The following ULK1 variants were observed in gnomAD, a reference collection of about 807,000 sequenced individuals.
The protein encoded by ULK1 is unc-51 like autophagy activating kinase 1, also known as serine/threonine-protein kinase ULK1.
ULK1 carries 48 observed loss-of-function variants against 117.5 expected under a neutral mutation model. That is an observed-to-expected ratio of 0.41 (90% CI 0.32 to 0.52). The LOEUF is 0.52. Among genes scored for constraint, ULK1 ranks in the 20% least tolerant of loss-of-function variants. ULK1 has a pLI of 0.29. For synonymous variants in ULK1, 790 were observed against 637.8 expected (o/e 1.24, Z -3.60); for missense variants, 1,387 against 1,473.4 (o/e 0.94, Z 0.96).
chr12:131,918,277 G>T, intron 22 of ULK1: 1 of 608,694 alleles, frequency 1.6e-6, no homozygotes, highest in Non-Finnish European at 2.8e-6. Flanking sequence ...CTTGGCCTGA[G>T]GTGGGGAGCT....
At position 131,908,637 on chromosome 12, in the gene ULK1, C is replaced by G. The variant is rs1415410960; in HGVS notation, c.317-7C>G. The G allele has an allele frequency of 6.7e-6, 10 of 1,498,050 alleles. No individual in the cohort carries two copies. Among genetic ancestry groups the G allele is most frequent in the Admixed American group, 2.3e-5 (1 of 43,592 alleles). The allele number at this position is 1,498,050 out of a possible 1,614,324, so 92.8% of individuals were successfully genotyped here. On this transcript the variant is annotated splice_polypyrimidine_tract_variant and splice_region_variant and intron_variant, in intron 5 of 27. Coordinates refer to ENST00000321867, the MANE Select transcript of ULK1 (RefSeq NM_003565.4). ...GCCCCCAGGCCCTGAGCCGCCTCTC[C>G]CCGCAGCCATGCGCACGCTGAGCGA... is the stretch of plus-strand genomic sequence containing the variant.
chr12:131,919,182 A>G, intron 23 of ULK1, 30 bp from the exon 24 acceptor site: 1 of 1,573,358 alleles, frequency 6.4e-7, no homozygotes, highest in Non-Finnish European at 8.6e-7. Context: ...CCCGGGCAGC[A>G]CTTGCCGCCC....
intron 16 of ULK1, 143 bp from the exon 17 acceptor site, chr12:131,914,940 A>G: frequency 1.6e-6 from 2 of 1,256,548 alleles, no homozygotes; most frequent in Non-Finnish European, 2.2e-6. Context: ...ATCTGTCAGC[A>G]CTGTAGCCAC....
rs763367783 is a variant in ULK1 at position 131,916,431 on chromosome 12, A to T, written c.1912A>T (p.Ser638Cys). Residue 638 changes from serine (S) to cysteine (C), a missense_variant, in exon 20 of 28, where the codon AGC becomes TGC. This residue lies in a region of ULK1 where 900 missense variants were observed against 858.9 expected (regional missense o/e 1.05). Transcript: ENST00000321867. ...CTCCTTTGACTTCCCGAAGACCCCC[A>T]GCTCCCAGAACCTGCTGGCCCTCCT... ...VPSFDFPKTP[S>C]SQNLLALLAR... 1.2e-6 allele frequency: 2 copies of T among 1,601,654 alleles called. No individual in the cohort carries two copies. Among genetic ancestry groups the T allele is most frequent in the East Asian group, 4.5e-5 (2 of 44,624 alleles).
intron 4 of ULK1, 99 bp from the exon 5 acceptor site, chr12:131,907,396 G>T: frequency 6.7e-7 from 1 of 1,490,854 alleles, no homozygotes; most frequent in East Asian, 2.4e-5. Flanking sequence ...TGCGGGCTCA[G>T]GGAGTAGTGT....
chr12:131,903,009 G>A lies in ULK1; in HGVS notation c.247-3883G>A, dbSNP rs943481411. Among the ~76,000 whole-genome samples, 3 of 152,150 alleles carry A rather than the reference G, an allele frequency of 2.0e-5. No individual in the cohort carries two copies. Among genetic ancestry groups the A allele is most frequent in the Non-Finnish European group, 4.4e-5 (3 of 68,020 alleles). On this transcript the variant is annotated intron_variant, in intron 3 of 27. Transcript: ENST00000321867. This position sits in a 1 kb window ranked among gnomAD's most constrained non-coding sequence, Gnocchi z 6.0. ...GTTCTGCAAGGCAGAGCTGGAGCCC[G>A]ATGCCCTGTGTGGGTTCTGGGTGGG... is the stretch of plus-strand genomic sequence containing the variant.
intron 16 of ULK1, 87 bp from the exon 17 acceptor site, chr12:131,914,995 AT>A (rs1889707318): frequency 6.7e-7 from 1 of 1,489,104 alleles, no homozygotes; most frequent in Non-Finnish European, 8.9e-7. Context: ...TCCCCTCCTA[AT>A]ACCTGCCTTG....
rs1194444652 is a variant in ULK1, at chr12:131,913,132, C to T, written c.1097-66C>T. 1.6e-5 allele frequency: 24 copies of T among 1,457,928 alleles called. No individual in the cohort carries two copies. In the South Asian group the frequency reaches 2.0e-4, roughly 12 times the overall value. 90.3% of individuals were successfully genotyped at this position (1,457,928 alleles called of 1,614,324 possible). A position where few individuals can be genotyped will look rare whatever the true frequency, so the allele number is the denominator to read the frequency against. ...TGCGTGGGGATCCAGCAGAGAGCCT[C>T]GGTGGGGTGGGGTGGCCCTGGGCAG... On this transcript the variant is annotated intron_variant, in intron 13 of 27. Coordinates refer to ENST00000321867, the MANE Select transcript of ULK1 (RefSeq NM_003565.4).
chr12:131,901,919 T>A (rs565272081), intron 3 of ULK1, among the ~76,000 whole-genome samples: 12 of 152,246 alleles, frequency 7.9e-5, no homozygotes, highest in Admixed American at 2.6e-4. Context: ...GGTTGTTTCC[T>A]GCTTTTTCCA....
chr12:131,920,472 G>A (rs1890105265), intron 26 of ULK1: 1 of 330,408 alleles, frequency 3.0e-6, no homozygotes, highest in Non-Finnish European at 5.7e-6. Context: ...AACCTGCCTG[G>A]AAGTGTGGTG....
rs1189201704 is a variant in ULK1, at chr12:131,922,958, C to T, written c.*1597C>T. On this transcript the variant is annotated 3_prime_UTR_variant, in exon 28 of 28. Coordinates refer to ENST00000321867, the MANE Select transcript of ULK1 (RefSeq NM_003565.4). ...GGGGATCTTGCCCGGTGTCCTGGTC[C>T]TCTTGCTTCCGTCGCGGCCGCATGT... 6.6e-6 allele frequency: 1 copy of T among 152,360 alleles called. No individual in the cohort carries two copies. Among genetic ancestry groups the T allele is most frequent in the Non-Finnish European group, 1.5e-5 (1 of 68,074 alleles). 9.4% of individuals were successfully genotyped at this position (152,360 alleles called of 1,614,324 possible). A position where few individuals can be genotyped will look rare whatever the true frequency, so the allele number is the denominator to read the frequency against.
rs748595183 is a variant in ULK1, at chr12:131,911,980, C to T, written c.987C>T (p.Ala329=). The T allele has an allele frequency of 6.2e-6, 10 of 1,612,900 alleles. No individual in the cohort carries two copies. The highest frequency in any genetic ancestry group is 3.3e-5 in the Admixed American group (2 of 60,022). Residue 329 remains alanine (A), a synonymous_variant, in exon 13 of 28, where the codon GCC becomes GCT. Transcript: ENST00000321867. ...TGCAGCAGCTGCAGAAGACCCTGGC[C>T]TCCCCGGCTGACACCGCTGGCTTCC... The part of the protein sequence containing the change: ...GEMQQLQKTL[A]SPADTAGFLH...
In ULK1 at chr12:131,921,394, C is replaced by T. The variant is rs768128866; in HGVS notation, c.*33C>T. 7.5e-6 allele frequency: 12 copies of T among 1,600,250 alleles called. No homozygotes were observed. The highest frequency in any genetic ancestry group is 1.1e-5 in the South Asian group (1 of 91,070). On this transcript the variant is annotated 3_prime_UTR_variant, in exon 28 of 28. Coordinates refer to ENST00000321867, the MANE Select transcript of ULK1 (RefSeq NM_003565.4). ...GGCCTGGCTGGGCCCCCCGTCCTGCCGAGCCCTGCAGAGTGGGCTCTGTGT... is the reference window on the plus strand; with the variant it reads ...GGCCTGGCTGGGCCCCCCGTCCTGCTGAGCCCTGCAGAGTGGGCTCTGTGT...
At chr12:131,898,830 C>G (rs6598172) in intron 3 of ULK1, among the ~76,000 whole-genome samples, 1 of 152,058 alleles carries the variant, frequency 6.6e-6, no homozygotes, top group African/African-American at 2.4e-5. Flanking sequence ...AATGAGCTTC[C>G]CTATCCGAGC....
Position 131,894,921 on chromosome 12 carries a change from C to A in ULK1, c.-81C>A. 1 of 225,708 alleles carries A rather than the reference C, an allele frequency of 4.4e-6. No individual in the cohort carries two copies. Among genetic ancestry groups the A allele is most frequent in the South Asian group, 1.5e-4 (1 of 6,874 alleles). The allele number at this position is 225,708 out of a possible 1,614,324, so 14.0% of individuals were successfully genotyped here. On this transcript the variant is annotated 5_prime_UTR_variant, in exon 1 of 28. Coordinates refer to ENST00000321867, the MANE Select transcript of ULK1 (RefSeq NM_003565.4). ...CCCGGCCCCGCGCCCCCGGCCCGCC[C>A]GCCCCGGCCCGCGCCTCCGCCTGAG...
rs1363148945 is a variant in ULK1 at position 131,909,208 on chromosome 12, C to G, written c.637C>G (p.Gln213Glu). 6.2e-7 allele frequency: 1 copy of G among 1,608,058 alleles called. No homozygotes were observed. Reference sequence around the variant, plus strand: ...GTGGAGCATCGGCACCATCGTCTACCAGTGCCTGACGGGGAAGGCGCCCTT... The same window carrying G: ...GTGGAGCATCGGCACCATCGTCTACGAGTGCCTGACGGGGAAGGCGCCCTT... The part of the protein sequence containing the change: ...DLWSIGTIVY[Q>E]CLTGKAPFQA... The change falls in exon 8 of 28, where the codon CAG becomes GAG. Residue 213 changes from glutamine to glutamate, a missense_variant. Physicochemically the swap from Gln to Glu is conservative, Grantham distance 29. Coordinates refer to ENST00000321867, the MANE Select transcript of ULK1 (RefSeq NM_003565.4).
At chr12:131,896,227 G>A (rs1191899416) in intron 3 of ULK1, among the ~76,000 whole-genome samples, 2 of 152,122 alleles carry the variant, frequency 1.3e-5, no homozygotes. Flanking sequence ...CTCGCTCTGC[G>A]TCAGACGGGG....
intron 26 of ULK1, 103 bp downstream of exon 26, chr12:131,920,239 G>C (rs1219776043): frequency 2.1e-6 from 3 of 1,434,550 alleles, no homozygotes; most frequent in Admixed American, 2.3e-5. Flanking sequence ...TGAGACTTTG[G>C]GGGGTGTCAC....
chr12:131,911,449 C>T (rs1269509333), intron 12 of ULK1, among the ~76,000 whole-genome samples: 3 of 152,236 alleles, frequency 2.0e-5, no homozygotes, highest in Non-Finnish European at 4.4e-5. Flanking sequence ...GTGGCATCCG[C>T]AGACCTGCCC....
Sources: gnomAD v4.1 joint callset for allele counts (sites outside exome capture counted in the v4.1 genomes callset) on GRCh38, gnomAD v4.1.1 for gene constraint, gnomAD v4.1.1 regional missense constraint, Gnocchi (gnomAD v3.1) non-coding constraint, MANE v1.5 for transcripts, NCBI Gene and HGNC (gene_info 2026-07-23, HGNC 2026-07-21) for gene names.